Variants in STK35 observed in about 807,000 individuals in gnomAD.
The protein encoded by STK35 is serine/threonine kinase 35.
STK35 carries 17 observed loss-of-function variants against 37.3 expected under a neutral mutation model. The ratio of observed to expected loss-of-function variants is 0.46; its 90% CI spans 0.31 to 0.68. STK35 has a LOEUF of 0.68. Among genes scored for constraint, STK35 ranks in the 30% least tolerant of loss-of-function variants. The pLI is 0.05. For synonymous variants in STK35, 385 were observed against 319.1 expected, an observed-to-expected ratio of 1.21 and a Z score of -2.20; for missense variants, 595 against 746.7, an observed-to-expected ratio of 0.80 and a Z score of 2.37.
At chr20:2,118,056 C>G (rs1490979024) in intron 3 of STK35, among the ~76,000 whole-genome samples, 1 of 152,168 alleles carries the variant, frequency 6.6e-6, no homozygotes, top group Non-Finnish European at 1.5e-5. Flanking sequence ...AGAGAATAAA[C>G]ACTATCTCTG....
chr20:2,125,672 C>T (rs1319650086), intron 3 of STK35, among the ~76,000 whole-genome samples: 2 of 152,218 alleles, frequency 1.3e-5, no homozygotes, highest in African/African-American at 2.4e-5. Flanking sequence ...ACCAGCCATC[C>T]CTTCAGGCGA....
At chr20:2,124,642 A>C (rs1044122424) in intron 3 of STK35, among the ~76,000 whole-genome samples, 1 of 152,146 alleles carries the variant, frequency 6.6e-6, no homozygotes, top group African/African-American at 2.4e-5. Context: ...AACCCATCTC[A>C]CTAGCACTAA....
intron 3 of STK35, among the ~76,000 whole-genome samples, chr20:2,122,022 G>A (rs577948208): frequency 5.9e-5 from 9 of 152,150 alleles, no homozygotes; most frequent in African/African-American, 2.2e-4. Context: ...TATATCTGTG[G>A]ATGTTTGTAC....
intron 1 of STK35, 132 bp from the exon 2 acceptor site, chr20:2,102,636 C>G: frequency 1.3e-6 from 1 of 798,878 alleles, no homozygotes; most frequent in Non-Finnish European, 1.8e-6. Context: ...CTCCCCCGTT[C>G]AATCAGCGGC....
At chr20:2,136,174 CAG>C (rs1158589391) in intron 3 of STK35, among the ~76,000 whole-genome samples, 16 of 152,320 alleles carry the variant, frequency 1.1e-4, no homozygotes, top group South Asian at 8.3e-4. Flanking sequence ...CCACGTGAAA[CAG>C]ATGTATTTGC....
intron 3 of STK35, among the ~76,000 whole-genome samples, chr20:2,125,867 C>T (rs1353836311): frequency 6.6e-6 from 1 of 152,140 alleles, no homozygotes; most frequent in Non-Finnish European, 1.5e-5. Context: ...CTAAAGCACA[C>T]CTCCACCCAC....
At chr20:2,138,450 A>C (rs1986121114) in intron 3 of STK35, among the ~76,000 whole-genome samples, 1 of 152,192 alleles carries the variant, frequency 6.6e-6, no homozygotes, top group Non-Finnish European at 1.5e-5. Flanking sequence ...CAGGCCCCTG[A>C]AGAGGAAAGA....
Position 2,103,193 on chromosome 20 carries a change from C to T in STK35, c.720C>T (p.Asn240=). Residue 240 remains asparagine, a synonymous_variant, in exon 2 of 4, where the codon AAC becomes AAT. Transcript: ENST00000381482. ...AGATCCGCTGCGACGCCCCCGAGAACGTGGAGCTGGCGCTGGCTGAATTCT... is the reference window on the plus strand; with the variant it reads ...AGATCCGCTGCGACGCCCCCGAGAATGTGGAGCTGGCGCTGGCTGAATTCT... ...VKKIRCDAPE[N]VELALAEFWA... 6.2e-7 allele frequency: 1 copy of T among 1,610,096 alleles called. No individual in the cohort carries two copies. The highest frequency in any genetic ancestry group is 8.5e-7 in the Non-Finnish European group (1 of 1,179,480).
intron 3 of STK35, among the ~76,000 whole-genome samples, chr20:2,125,982 G>A (rs915221510): frequency 6.6e-6 from 1 of 152,246 alleles, no homozygotes; most frequent in Non-Finnish European, 1.5e-5. Flanking sequence ...GGCATCATAC[G>A]TGTCTGTGGT....
intron 3 of STK35, among the ~76,000 whole-genome samples, chr20:2,132,752 A>G (rs1317771413): frequency 2.0e-5 from 3 of 152,234 alleles, no homozygotes; most frequent in Admixed American, 1.3e-4. Flanking sequence ...CAAGACATCA[A>G]CAGACTTGCT....
At chr20:2,120,329 G>A (rs1985794400) in intron 3 of STK35, among the ~76,000 whole-genome samples, 1 of 152,188 alleles carries the variant, frequency 6.6e-6, no homozygotes. Flanking sequence ...AGAAATAGGC[G>A]ACCTTGAGAA....
intron 3 of STK35, among the ~76,000 whole-genome samples, chr20:2,119,607 C>T (rs1428977524): frequency 6.6e-6 from 1 of 152,204 alleles, no homozygotes; most frequent in Non-Finnish European, 1.5e-5. Context: ...TAATTTACCC[C>T]AGATCCTACT....
At chr20:2,143,678 G>A (rs1568583919) in intron 3 of STK35, 106 bp from the exon 4 acceptor site, 9 of 300,466 alleles carry the variant, frequency 3.0e-5, no homozygotes, top group South Asian at 2.1e-4. Context: ...TTAGAGCTCT[G>A]CCCCACAGCC....
chr20:2,102,018 G>A lies in STK35; in HGVS notation c.137G>A (p.Ser46Asn). The A allele has an allele frequency of 1.3e-6, 2 of 1,527,624 alleles. No homozygotes were observed. The highest frequency in any genetic ancestry group is 2.0e-5 in the Admixed American group (1 of 50,646). The allele number at this position is 1,527,624 out of a possible 1,614,324, so 94.6% of individuals were successfully genotyped here. A position where few individuals can be genotyped will look rare whatever the true frequency, so the allele number is the denominator to read the frequency against. The stretch of plus-strand genomic sequence containing the variant: ...CTAGGAGCCCAGGCTTCCCCAGCGA[G>A]CGCCGCGGCAGCAGAAGGATCCGCT... ...GSLGAQASPA[S>N]AAAAEGSATR... Residue 46 changes from serine (S) to asparagine (N), a missense_variant, in exon 1 of 4, where the codon AGC becomes AAC. By Grantham distance (46) the Ser-to-Asn change is conservative (BLOSUM62 1). Around this residue, in one of 3 missense-constraint regions of STK35, gnomAD observed 389 missense variants for 320.0 expected, o/e 1.22. Transcript: ENST00000381482.
chr20:2,105,046 A>G (rs1396469465), intron 2 of STK35, among the ~76,000 whole-genome samples: 1 of 151,822 alleles, frequency 6.6e-6, no homozygotes, highest in Non-Finnish European at 1.5e-5. Flanking sequence ...AGTCCCAGCT[A>G]CTTGAGAGGC....
chr20:2,118,715 C>G (rs1568576567), intron 3 of STK35, among the ~76,000 whole-genome samples: 1 of 152,212 alleles, frequency 6.6e-6, no homozygotes, highest in African/African-American at 2.4e-5. Flanking sequence ...TGAAAAATTC[C>G]TATTACCTAG....
At chr20:2,105,016 A>C (rs116776873) in intron 2 of STK35, among the ~76,000 whole-genome samples, 2,888 of 152,058 alleles carry the variant, frequency 0.019, 95 homozygotes, top group African/African-American at 0.066. Flanking sequence ...AAATAGCCGG[A>C]CCTGATGGCA....
At chr20:2,116,057 G>A (rs1985711172) in intron 2 of STK35, among the ~76,000 whole-genome samples, 1 of 152,158 alleles carries the variant, frequency 6.6e-6, no homozygotes, top group Admixed American at 6.5e-5. Flanking sequence ...TTGAAACTAA[G>A]CCTCATAGAG....
At chr20:2,126,674 C>G (rs1364992715) in intron 3 of STK35, among the ~76,000 whole-genome samples, 1 of 152,166 alleles carries the variant, frequency 6.6e-6, no homozygotes, top group Non-Finnish European at 1.5e-5. Context: ...ATTACAAAAT[C>G]AGAGGAAATG....
Sources: allele counts gnomAD v4.1 joint callset (sites outside exome capture counted in the v4.1 genomes callset), GRCh38; gene constraint gnomAD v4.1.1; regional missense constraint gnomAD v4.1.1; transcripts MANE v1.5; gene names NCBI Gene and HGNC (gene_info 2026-07-23, HGNC 2026-07-21).